Variants in FOXP1 observed in about 807,000 individuals in gnomAD.
FOXP1 encodes the protein forkhead box protein P1.
In FOXP1, 15 loss-of-function variants were observed where a neutral mutation model predicts 98.2. The observed-to-expected ratio is 0.15, with a 90% confidence interval of 0.10 to 0.24. The LOEUF (loss-of-function observed/expected upper bound fraction) is 0.24. Ranked by LOEUF, FOXP1 falls within the 10% of genes least tolerant of loss-of-function variation. The probability of loss-of-function intolerance (pLI) is 1.00; values close to 1 mark genes in which losing one functional copy is unlikely to be tolerated. For synonymous variants in FOXP1, 371 were observed against 314.5 expected, an observed-to-expected ratio of 1.18 and a Z score of -1.90; for missense variants, 633 against 848.5, an observed-to-expected ratio of 0.75 and a Z score of 3.15.
chr3:71,560,846 A>G (rs1048183946), intron 2 of FOXP1, among the ~76,000 whole-genome samples: 2 of 152,214 alleles, frequency 1.3e-5, no homozygotes, highest in African/African-American at 4.8e-5. Context: ...AACATCCAGA[A>G]TAGGCAAACC....
At chr3:71,475,941 G>A (rs1006571898) in intron 3 of FOXP1, among the ~76,000 whole-genome samples, 7 of 149,136 alleles carry the variant, frequency 4.7e-5, no homozygotes, top group Admixed American at 1.3e-4. Flanking sequence ...AGATCCACCA[G>A]AATAAATTAT....
At chr3:71,128,326 A>C (rs2059358090) in intron 6 of FOXP1, among the ~76,000 whole-genome samples, 1 of 151,502 alleles carries the variant, frequency 6.6e-6, no homozygotes, top group Non-Finnish European at 1.5e-5. Flanking sequence ...AAAAAAACGC[A>C]AATTTTAAAT....
intron 3 of FOXP1, among the ~76,000 whole-genome samples, chr3:71,366,915 G>C (rs1417775039): frequency 1.3e-5 from 2 of 152,188 alleles, no homozygotes; most frequent in Non-Finnish European, 2.9e-5. Context: ...TTTGTTTAAA[G>C]AGGTTGATTG....
chr3:71,571,538 G>T (rs567247499), intron 2 of FOXP1: 1 of 152,198 alleles, frequency 6.6e-6, no homozygotes, highest in East Asian at 1.9e-4. Context: ...AAGTTGTCTA[G>T]GAGGAAAAAA....
intron 7 of FOXP1, among the ~76,000 whole-genome samples, chr3:71,099,115 A>C (rs2056736067): frequency 6.6e-6 from 1 of 152,230 alleles, no homozygotes; most frequent in African/African-American, 2.4e-5. Flanking sequence ...TTATAAGCAA[A>C]ACGATGGTCC....
At chr3:70,987,841 G>C (rs571528867) in intron 14 of FOXP1, among the ~76,000 whole-genome samples, 153 bp downstream of exon 14, 26 of 152,318 alleles carry the variant, frequency 1.7e-4, no homozygotes, top group Admixed American at 6.5e-4. Context: ...TCATCATAAA[G>C]GATAACCAGA....
At chr3:71,497,213 T>C (rs1186691401) in intron 2 of FOXP1, among the ~76,000 whole-genome samples, 4 of 151,724 alleles carry the variant, frequency 2.6e-5, no homozygotes, top group Non-Finnish European at 5.9e-5. Context: ...CTACGTAGAA[T>C]TGTATAACTA....
At chr3:71,324,434 C>T (rs1186318455) in intron 4 of FOXP1, among the ~76,000 whole-genome samples, 2 of 152,016 alleles carry the variant, frequency 1.3e-5, no homozygotes, top group African/African-American at 2.4e-5. Flanking sequence ...TACTATGCAG[C>T]CATAAAAAAG....
chr3:71,526,898 C>T lies in FOXP1; in HGVS notation c.-297-33343G>A, dbSNP rs2043427392. On this transcript the variant is annotated intron_variant, in intron 2 of 20. Coordinates refer to ENST00000649528, the MANE Select transcript of FOXP1 (RefSeq NM_001349338.3). ...AGGAGAATTGCTTAAACCTGGGAGG[C>T]AGAGGTCGCGGTGAGCCAAGATCAC... 2.7e-5 allele frequency among the ~76,000 whole-genome samples: 4 copies of T among 147,426 alleles called. No homozygotes were observed. The Admixed American group carries it at 2.8e-4, about 10-fold the overall frequency.
At chr3:71,073,969 A>G (rs1166553142) in intron 7 of FOXP1, among the ~76,000 whole-genome samples, 7 of 152,184 alleles carry the variant, frequency 4.6e-5, no homozygotes. Flanking sequence ...GGTGCAGGAA[A>G]TCCTCTAAAG....
At chr3:71,248,598 AG>A (rs2067936951) in intron 5 of FOXP1, among the ~76,000 whole-genome samples, 2 of 152,100 alleles carry the variant, frequency 1.3e-5, no homozygotes, top group South Asian at 4.1e-4. Flanking sequence ...AAAATTAGCC[AG>A]GCATAGTGGC....
At chr3:71,336,219 CAT>C (rs1487276483) in intron 4 of FOXP1, among the ~76,000 whole-genome samples, 1 of 151,646 alleles carries the variant, frequency 6.6e-6, no homozygotes, top group Non-Finnish European at 1.5e-5. Context: ...AATCTACTAA[CAT>C]GTTTAAATTT....
At position 71,217,808 on chromosome 3, in the gene FOXP1, T is replaced by C. The variant is rs1026986413; in HGVS notation, c.-11-19416A>G. Among the ~76,000 whole-genome samples the C allele has an allele frequency of 5.9e-5, 9 of 152,172 alleles. No homozygotes were observed. In the South Asian group the frequency reaches 1.9e-3, roughly 32 times the overall value. On this transcript the variant is annotated intron_variant, in intron 5 of 20. Coordinates refer to ENST00000649528, the MANE Select transcript of FOXP1 (RefSeq NM_001349338.3). ...GAGAATGAGGGACAAATTAGGACAC[T>C]TTCATCCACTTCTCCCTGCTTCCAG... is the stretch of plus-strand genomic sequence containing the variant.
intron 13 of FOXP1, among the ~76,000 whole-genome samples, chr3:71,000,335 T>C (rs1451983800): frequency 2.0e-5 from 3 of 152,064 alleles, no homozygotes; most frequent in South Asian, 2.1e-4. Context: ...TCTACATTAA[T>C]ATATCTGATT....
At chr3:71,089,013 T>A (rs2055483992) in intron 7 of FOXP1, among the ~76,000 whole-genome samples, 1 of 152,186 alleles carries the variant, frequency 6.6e-6, no homozygotes. Context: ...CTGAAGGATA[T>A]GACACTTTAT....
intron 6 of FOXP1, among the ~76,000 whole-genome samples, chr3:71,118,866 T>C (rs887595670): frequency 2.0e-5 from 3 of 152,252 alleles, no homozygotes; most frequent in African/African-American, 7.2e-5. Context: ...ATATAATCTA[T>C]GGCTACTTTT....
At chr3:71,524,736 C>G (rs568821568) in intron 2 of FOXP1, among the ~76,000 whole-genome samples, 7 of 152,164 alleles carry the variant, frequency 4.6e-5, no homozygotes, top group Non-Finnish European at 8.8e-5. Flanking sequence ...ATTAACAATG[C>G]AACAGCTTCT....
At chr3:71,424,541 G>A (rs185197071) in intron 3 of FOXP1, among the ~76,000 whole-genome samples, 2 of 152,046 alleles carry the variant, frequency 1.3e-5, no homozygotes, top group African/African-American at 4.8e-5. Context: ...GGTTCTGTAA[G>A]AACACTGGGG....
intron 3 of FOXP1, among the ~76,000 whole-genome samples, chr3:71,445,092 T>C (rs2086295296): frequency 1.3e-5 from 2 of 152,226 alleles, no homozygotes; most frequent in African/African-American, 4.8e-5. Context: ...ATGACATAAA[T>C]AGCTTCAACA....
Sources: allele counts gnomAD v4.1 joint callset (sites outside exome capture counted in the v4.1 genomes callset), GRCh38; gene constraint gnomAD v4.1.1; transcripts MANE v1.5; gene names NCBI Gene and HGNC (gene_info 2026-07-23, HGNC 2026-07-21).